RNLS: variants seen among roughly 807,000 people sequenced by gnomAD.
RNLS encodes renalase, FAD dependent amine oxidase.
A neutral mutation model predicts 39.8 loss-of-function variants in RNLS; 39 were observed. That is an observed-to-expected ratio of 0.98 (90% CI 0.76 to 1.28). The LOEUF (loss-of-function observed/expected upper bound fraction) is 1.28, where lower values mean the gene tolerates loss of function less well. RNLS is among the 50% of genes most tolerant of loss of function. The pLI is 0.00. For missense variants in RNLS, 410 were observed against 413.3 expected, an observed-to-expected ratio of 0.99 and a Z score of 0.07; for synonymous variants, 147 against 150.7, an observed-to-expected ratio of 0.98 and a Z score of 0.18.
the RNLS span, among the ~76,000 whole-genome samples, chr10:88,263,026 T>A: frequency 6.6e-6 from 1 of 152,100 alleles, no homozygotes; most frequent in African/African-American, 2.4e-5. Flanking sequence ...TTTTCTCATC[T>A]GAAAAATGGA....
At chr10:88,493,743 G>C (rs576843003) in intron 4 of RNLS, among the ~76,000 whole-genome samples, 1 of 151,878 alleles carries the variant, frequency 6.6e-6, no homozygotes, top group African/African-American at 2.4e-5. Context: ...TCACTGTAAG[G>C]TCAACAGCTT....
intron 4 of RNLS, among the ~76,000 whole-genome samples, chr10:88,499,549 G>T (rs1035395356): frequency 1.1e-4 from 17 of 151,820 alleles, no homozygotes; most frequent in African/African-American, 4.1e-4. Context: ...TTTATTTTTT[G>T]CAGGGGTGGG....
chr10:88,427,545 A>C (rs192731607), intron 4 of RNLS, among the ~76,000 whole-genome samples: 2 of 152,024 alleles, frequency 1.3e-5, no homozygotes, highest in African/African-American at 4.8e-5. Flanking sequence ...CATGAAAATC[A>C]TATCTCTTTT....
intron 4 of RNLS, among the ~76,000 whole-genome samples, chr10:88,464,757 GA>G (rs34553557): frequency 2.7e-5 from 4 of 150,492 alleles, no homozygotes; most frequent in Admixed American, 6.6e-5. Context: ...GCAAAGAACT[GA>G]AAAAAAAATG....
intron 4 of RNLS, among the ~76,000 whole-genome samples, chr10:88,518,950 GA>G (rs1288697780): frequency 2.6e-5 from 4 of 151,980 alleles, no homozygotes; most frequent in African/African-American, 9.7e-5. Flanking sequence ...TCTAAAGAAA[GA>G]AAAGATAGTC....
intron 4 of RNLS, among the ~76,000 whole-genome samples, chr10:88,438,428 T>A (rs926113657): frequency 2.6e-5 from 4 of 152,236 alleles, no homozygotes; most frequent in Admixed American, 6.5e-5. Context: ...AAATTTATGC[T>A]ACTTATAACT....
chr10:88,226,719 T>A, the RNLS span, among the ~76,000 whole-genome samples: 1 of 147,808 alleles, frequency 6.8e-6, no homozygotes, highest in African/African-American at 2.5e-5. Context: ...TTCTCTGAAT[T>A]AAAATTCTTC....
intron 4 of RNLS, among the ~76,000 whole-genome samples, chr10:88,518,019 T>G (rs950472329): frequency 1.3e-5 from 2 of 151,928 alleles, no homozygotes; most frequent in East Asian, 1.9e-4. Context: ...AAGTTGTTTT[T>G]GGAAACATGG....
chr10:88,176,493 G>A, the RNLS span, among the ~76,000 whole-genome samples: 11 of 152,246 alleles, frequency 7.2e-5, no homozygotes, highest in East Asian at 5.8e-4. Context: ...TATAGTTAGC[G>A]AATTTAATTC....
Position 88,582,223 on chromosome 10 carries a change from T to C in RNLS, c.203A>G (p.His68Arg). The C allele has an allele frequency of 1.2e-6, 2 of 1,613,742 alleles. No homozygotes were observed. Among genetic ancestry groups the C allele is most frequent in the Non-Finnish European group, 8.5e-7 (1 of 1,179,810 alleles). ...LGAQYITCTP[H>R]YAKKHQRFYD... The stretch of plus-strand genomic sequence containing the variant: ...TCACCGTTGGTGTTTTTTGGCATAA[T>C]GAGGAGTGCAGGTGATGTACTGAGC... Residue 68 changes from histidine (H) to arginine (R), a missense_variant, in exon 2 of 7, where the codon CAT becomes CGT. By Grantham distance (29) the His-to-Arg change is conservative. Coordinates refer to ENST00000331772, the MANE Select transcript of RNLS (RefSeq NM_001031709.3).
chr10:88,201,210 G>T, the RNLS span, among the ~76,000 whole-genome samples: 37 of 152,112 alleles, frequency 2.4e-4, no homozygotes, highest in Non-Finnish European at 3.7e-4. Flanking sequence ...TATGTTCGAA[G>T]ATAATTTCTC....
chr10:88,570,869 G>A (rs1849778310), intron 4 of RNLS, among the ~76,000 whole-genome samples: 1 of 152,034 alleles, frequency 6.6e-6, no homozygotes, highest in South Asian at 2.1e-4. Flanking sequence ...GTAAATCCTG[G>A]AGATCCCCTG....
chr10:88,582,567 A>C (rs1388449985), intron 1 of RNLS, among the ~76,000 whole-genome samples: 1 of 152,224 alleles, frequency 6.6e-6, no homozygotes, highest in Non-Finnish European at 1.5e-5. Flanking sequence ...GAAATGTCAG[A>C]ATAAATGAGT....
chr10:88,548,513 C>T (rs1848450596), intron 4 of RNLS, among the ~76,000 whole-genome samples: 1 of 148,448 alleles, frequency 6.7e-6, no homozygotes, highest in Non-Finnish European at 1.5e-5. Context: ...GTGGTGGGCG[C>T]CTGTAATCTC....
chr10:88,256,235 C>A, the RNLS span, among the ~76,000 whole-genome samples: 1 of 152,160 alleles, frequency 6.6e-6, no homozygotes, highest in Admixed American at 6.5e-5. Flanking sequence ...AATGTGCAGC[C>A]AAATTCAATG....
the RNLS span, among the ~76,000 whole-genome samples, chr10:88,253,676 T>C: frequency 1.3e-5 from 2 of 152,166 alleles, no homozygotes; most frequent in African/African-American, 4.8e-5. Flanking sequence ...TCTGTGAAAA[T>C]GGAGTCTTCT....
At chr10:88,203,361 T>A in the RNLS span, among the ~76,000 whole-genome samples, 2 of 14,394 alleles carry the variant, frequency 1.4e-4, no homozygotes, top group African/African-American at 5.2e-4. Context: ...TATATACGTA[T>A]GTGTGTGTAT....
intron 4 of RNLS, among the ~76,000 whole-genome samples, chr10:88,387,618 C>T (rs1222802924): frequency 6.6e-6 from 1 of 151,092 alleles, no homozygotes; most frequent in Non-Finnish European, 1.5e-5. Flanking sequence ...AGTGCTTTTA[C>T]ATGTAATCAT....
chr10:88,424,702 T>C (rs1363406827), intron 4 of RNLS, among the ~76,000 whole-genome samples: 1 of 152,162 alleles, frequency 6.6e-6, no homozygotes, highest in Non-Finnish European at 1.5e-5. Context: ...CATATAATGC[T>C]GACACATTAC....
Sources: gnomAD v4.1 joint callset for allele counts (sites outside exome capture counted in the v4.1 genomes callset) on GRCh38, gnomAD v4.1.1 for gene constraint, MANE v1.5 for transcripts, NCBI Gene and HGNC (gene_info 2026-07-23, HGNC 2026-07-21) for gene names.